SLC9D1: variants seen among roughly 807,000 people sequenced by gnomAD.
SLC9D1 encodes the protein solute carrier family 9 member D1.
chr13:113,510,262 C>T, the SLC9D1 span: 55 of 1,614,014 alleles, frequency 3.4e-5, no homozygotes, highest in Admixed American at 8.3e-4. Context: ...CTTACAAGGG[C>T]CGTGTTACAT....
chr13:113,507,706 C>T, the SLC9D1 span, among the ~76,000 whole-genome samples: 20 of 152,360 alleles, frequency 1.3e-4, 1 homozygote, highest in South Asian at 4.1e-3. Context: ...CAGATTGTTT[C>T]TCAAGTCATT....
chr13:113,509,505 G>A, the SLC9D1 span, among the ~76,000 whole-genome samples: 5 of 151,976 alleles, frequency 3.3e-5, no homozygotes, highest in African/African-American at 4.8e-5. Flanking sequence ...GCATGTGCCC[G>A]GCTGCTCCAT....
chr13:113,502,459 C>T, the SLC9D1 span, among the ~76,000 whole-genome samples: 19 of 152,096 alleles, frequency 1.2e-4, no homozygotes, highest in African/African-American at 2.9e-4. Context: ...ATAATCCGCC[C>T]GCCTCGGCCT....
At chr13:113,502,205 T>TTTGTTG in the SLC9D1 span, among the ~76,000 whole-genome samples, 1 of 152,054 alleles carries the variant, frequency 6.6e-6, no homozygotes, top group African/African-American at 2.4e-5. Flanking sequence ...ATTAACCGTT[T>TTTGTTG]TTGTTGTTGT....
At chr13:113,531,159 C>T in the SLC9D1 span, among the ~76,000 whole-genome samples, 4 of 152,238 alleles carry the variant, frequency 2.6e-5, no homozygotes, top group Non-Finnish European at 4.4e-5. Flanking sequence ...CCAGGATGGC[C>T]GTGGAGTCAG....
the SLC9D1 span, among the ~76,000 whole-genome samples, chr13:113,492,165 A>T: frequency 6.6e-6 from 1 of 152,122 alleles, no homozygotes; most frequent in African/African-American, 2.4e-5. Flanking sequence ...TAATAGAGAC[A>T]GGGTCTTGCT....
At chr13:113,506,854 T>C in the SLC9D1 span, among the ~76,000 whole-genome samples, 59,627 of 152,066 alleles carry the variant, frequency 0.39, 12,894 homozygotes, top group African/African-American at 0.58. Flanking sequence ...AGCGTGAGCA[T>C]GTGCTTCATC....
the SLC9D1 span, chr13:113,528,415 C>A: frequency 6.6e-6 from 1 of 152,238 alleles, no homozygotes; most frequent in East Asian, 1.9e-4. Flanking sequence ...TTTGCCAGAT[C>A]TTCTGTTACA....
the SLC9D1 span, among the ~76,000 whole-genome samples, chr13:113,537,081 G>A: frequency 2.6e-5 from 4 of 152,182 alleles, no homozygotes; most frequent in South Asian, 2.1e-4. Flanking sequence ...TTGTCCTGGC[G>A]GTGTTCCTAT....
At chr13:113,548,341 G>A in the SLC9D1 span, 8 of 1,614,074 alleles carry the variant, frequency 5.0e-6, no homozygotes, top group East Asian at 2.2e-5. Context: ...TCATTCTGCC[G>A]AGGAGCAGCC....
At chr13:113,509,077 GGGTGGGTCCCCTGACA>G in the SLC9D1 span, among the ~76,000 whole-genome samples, 6 of 142,600 alleles carry the variant, frequency 4.2e-5, no homozygotes, top group Admixed American at 1.4e-4. Flanking sequence ...TGGGCTTGGC[GGGTGGGTCCCCTGACA>G]CTGCCTGTGT....
the SLC9D1 span, among the ~76,000 whole-genome samples, chr13:113,493,583 G>A: frequency 6.6e-6 from 1 of 151,354 alleles, no homozygotes; most frequent in Admixed American, 6.6e-5. Context: ...TGTACTTAAA[G>A]TTGTATTGAA....
chr13:113,510,072 G>A, the SLC9D1 span, among the ~76,000 whole-genome samples: 1 of 152,188 alleles, frequency 6.6e-6, no homozygotes, highest in Non-Finnish European at 1.5e-5. Context: ...TGGCACAGAG[G>A]AAGCCCTGTG....
chr13:113,520,514 A>C, the SLC9D1 span: 1 of 803,906 alleles, frequency 1.2e-6, no homozygotes, highest in Admixed American at 2.5e-5. Context: ...TAAAGTGCCA[A>C]AATAATTTGA....
chr13:113,517,255 A>T, the SLC9D1 span, among the ~76,000 whole-genome samples: 1 of 152,092 alleles, frequency 6.6e-6, no homozygotes, highest in African/African-American at 2.4e-5. Flanking sequence ...GTTGTTGAGG[A>T]GGAGTCTCGC....
At chr13:113,496,204 G>T in the SLC9D1 span, among the ~76,000 whole-genome samples, 1 of 152,208 alleles carries the variant, frequency 6.6e-6, no homozygotes, top group South Asian at 2.1e-4. Context: ...ACAGGAAATC[G>T]CATCTAGAAA....
the SLC9D1 span, among the ~76,000 whole-genome samples, chr13:113,538,231 TTGTGTGGTG>T: frequency 1.2e-5 from 1 of 85,872 alleles, no homozygotes; most frequent in Non-Finnish European, 2.1e-5. Flanking sequence ...CATATGTGCT[TTGTGTGGTG>T]TGTGTGTGGT....
At chr13:113,514,853 A>G in the SLC9D1 span, among the ~76,000 whole-genome samples, 1 of 152,310 alleles carries the variant, frequency 6.6e-6, no homozygotes, top group Admixed American at 6.5e-5. Context: ...AGTAGCTGGG[A>G]TGACAGGCGT....
At chr13:113,543,116 G>A in the SLC9D1 span, among the ~76,000 whole-genome samples, 1 of 51,022 alleles carries the variant, frequency 2.0e-5, no homozygotes. Flanking sequence ...CCTGCCCCCA[G>A]CCCTCCCTGT....
Sources: gnomAD v4.1 joint callset for allele counts (sites outside exome capture counted in the v4.1 genomes callset) on GRCh38, gnomAD v4.1.1 for gene constraint, MANE v1.5 for transcripts, NCBI Gene and HGNC (gene_info 2026-07-23, HGNC 2026-07-21) for gene names.